ARHGEF17: variants seen among roughly 807,000 people sequenced by gnomAD.
The protein encoded by ARHGEF17 is 164 kDa Rho-specific guanine-nucleotide exchange factor.
ARHGEF17 carries 80 observed loss-of-function variants against 174.0 expected under a neutral mutation model. That is an observed-to-expected ratio of 0.46 (90% CI 0.38 to 0.55). The LOEUF (loss-of-function observed/expected upper bound fraction) is 0.55. ARHGEF17 is among the 20% of genes least tolerant of loss of function. ARHGEF17 has a pLI of 0.00. For missense variants in ARHGEF17, 2,886 were observed against 2,839.7 expected (o/e 1.02, Z -0.37); for synonymous variants, 1,311 against 1,189.1 (o/e 1.10, Z -2.11).
chr11:73,347,190 G>A (rs551444832), intron 2 of ARHGEF17: 10 of 634,356 alleles, frequency 1.6e-5, no homozygotes, highest in South Asian at 4.9e-5. Context: ...CAGGGCAGGC[G>A]TCCCTACCCT....
intron 1 of ARHGEF17, among the ~76,000 whole-genome samples, chr11:73,338,853 G>T (rs1158570142): frequency 6.6e-6 from 1 of 152,058 alleles, no homozygotes; most frequent in East Asian, 1.9e-4. Flanking sequence ...CAGTTTCCTA[G>T]TTTGTAAGAA....
Position 73,308,908 on chromosome 11 carries a change from C to T in ARHGEF17, c.270C>T (p.Asp90=). 7.3e-7 allele frequency: 1 copy of T among 1,364,304 alleles called. No individual in the cohort carries two copies. Among genetic ancestry groups the T allele is most frequent in the Non-Finnish European group, 9.4e-7 (1 of 1,064,924 alleles). The allele number at this position is 1,364,304 out of a possible 1,614,324, so 84.5% of individuals were successfully genotyped here. Reference sequence around the variant, plus strand: ...TTCGCCAGCTCTCCCGGCGCTTCGACGCGCCGCGTCTGGACGACGGCTCCG... The same window carrying T: ...TTCGCCAGCTCTCCCGGCGCTTCGATGCGCCGCGTCTGGACGACGGCTCCG... ...PSVRQLSRRF[D]APRLDDGSAG... Residue 90 remains aspartate, a synonymous_variant, in exon 1 of 21, where the codon GAC becomes GAT. Transcript: ENST00000263674.
Position 73,365,118 on chromosome 11 carries a change from G to T in ARHGEF17, c.5551-272G>T. On this transcript the variant is annotated intron_variant, in intron 18 of 20. Transcript: ENST00000263674. The surrounding 1 kb of genome is among the most constrained non-coding windows in gnomAD (Gnocchi z 4.9). ...GGCTTCAGCTTCCCCACCTGTCCAG[G>T]GGGAGGCCAGTGACTGATTTTAGAA... 2.2e-6 allele frequency: 1 copy of T among 464,498 alleles called. No individual in the cohort carries two copies. Among genetic ancestry groups the T allele is most frequent in the Non-Finnish European group, 3.9e-6 (1 of 256,804 alleles). 28.8% of individuals were successfully genotyped at this position (464,498 alleles called of 1,614,324 possible).
intron 2 of ARHGEF17, among the ~76,000 whole-genome samples, chr11:73,351,362 T>G (rs1865550482): frequency 6.6e-6 from 1 of 152,136 alleles, no homozygotes; most frequent in Non-Finnish European, 1.5e-5. Flanking sequence ...GTAGGGCCAG[T>G]AGAGGGCGAC....
intron 1 of ARHGEF17, among the ~76,000 whole-genome samples, chr11:73,314,247 G>A (rs1278096275): frequency 2.6e-5 from 4 of 152,186 alleles, no homozygotes; most frequent in Non-Finnish European, 5.9e-5. Context: ...GAGATGGCGT[G>A]GTATGGACTC....
At chr11:73,361,613 G>C (rs927897761) in intron 12 of ARHGEF17, among the ~76,000 whole-genome samples, 2 of 152,156 alleles carry the variant, frequency 1.3e-5, no homozygotes, top group African/African-American at 2.4e-5. Flanking sequence ...TGTAATTCCA[G>C]TACTTTGTGG....
At chr11:73,335,497 G>A (rs1351950549) in intron 1 of ARHGEF17, among the ~76,000 whole-genome samples, 4 of 151,922 alleles carry the variant, frequency 2.6e-5, no homozygotes, top group Non-Finnish European at 5.9e-5. Flanking sequence ...AGGTCCAGCT[G>A]TATCTTCTTG....
Position 73,310,052 on chromosome 11 carries a change from C to T in ARHGEF17, c.1414C>T (p.Leu472=), listed in dbSNP as rs546792395. The change falls in exon 1 of 21, where the codon CTG becomes TTG. Residue 472 remains leucine (L), a synonymous_variant. Transcript: ENST00000263674. ...AAATCCAGATATCGCCTCAGAGACC[C>T]TGACGCTTCTCAGTTTCCTGCGCTC... The part of the protein sequence containing the change: ...LSNPDIASET[L]TLLSFLRSDL... 2.5e-6 allele frequency: 4 copies of T among 1,614,200 alleles called. No homozygotes were observed. The highest frequency in any genetic ancestry group is 3.4e-6 in the Non-Finnish European group (4 of 1,180,022).
intron 20 of ARHGEF17, among the ~76,000 whole-genome samples, chr11:73,367,265 C>T (rs1487421457): frequency 3.3e-5 from 5 of 152,066 alleles, no homozygotes; most frequent in East Asian, 3.8e-4. Flanking sequence ...AAGGACGTTG[C>T]GTGCAGTAAT....
chr11:73,334,605 G>T (rs1865258333), intron 1 of ARHGEF17, among the ~76,000 whole-genome samples: 1 of 152,226 alleles, frequency 6.6e-6, no homozygotes, highest in African/African-American at 2.4e-5. Flanking sequence ...GCCGAGGCAG[G>T]CTCTGGCCCC....
At chr11:73,334,950 A>G (rs1865263380) in intron 1 of ARHGEF17, among the ~76,000 whole-genome samples, 1 of 152,200 alleles carries the variant, frequency 6.6e-6, no homozygotes, top group Non-Finnish European at 1.5e-5. Flanking sequence ...GTCCTGGGCC[A>G]CAGGGCCTGA....
intron 1 of ARHGEF17, among the ~76,000 whole-genome samples, chr11:73,329,373 A>ATATATTTTTT (rs1565193840): frequency 7.6e-5 from 1 of 13,164 alleles, no homozygotes; most frequent in Non-Finnish European, 1.2e-4. Flanking sequence ...ATATATATAT[A>ATATATTTTTT]TTTTTTTTTT....
Position 73,343,941 on chromosome 11 carries a change from T to C in ARHGEF17, c.3193-2942T>C, listed in dbSNP as rs540553341. ...AGCTGCGTGACCTGGCTGCGTTTTT[T>C]ATTTCTGTGTGGGGCGGCTTGCCTT... On this transcript the variant is annotated intron_variant, in intron 1 of 20. Coordinates refer to ENST00000263674, the MANE Select transcript of ARHGEF17 (RefSeq NM_014786.4). Among the ~76,000 whole-genome samples the C allele has an allele frequency of 1.2e-4, 18 of 152,202 alleles. 1 individual carries two copies. The highest frequency in any genetic ancestry group is 4.6e-4 in the Admixed American group (7 of 15,290).
rs755572933 is a variant in ARHGEF17, at chr11:73,356,298, C to T, written c.3787C>T (p.Arg1263Cys). 3 of 1,613,334 alleles carry T rather than the reference C, an allele frequency of 1.9e-6. No individual in the cohort carries two copies. Among genetic ancestry groups the T allele is most frequent in the East Asian group, 2.2e-5 (1 of 44,886 alleles). Residue 1263 changes from arginine to cysteine, a missense_variant, in exon 6 of 21, where the codon CGC (arginine) becomes TGC (cysteine). Around this residue, in one of 4 missense-constraint regions of ARHGEF17, gnomAD observed 353 missense variants for 470.3 expected, o/e 0.75. Transcript: ENST00000263674. ...TGTGCGGAGTGCCGAGGAGGCGGAGCGCCATGCCCGTGTGCTGCAGGAGAT... is the reference window on the plus strand; with the variant it reads ...TGTGCGGAGTGCCGAGGAGGCGGAGTGCCATGCCCGTGTGCTGCAGGAGAT... ...KGVRSAEEAE[R>C]HARVLQEIEA...
intron 1 of ARHGEF17, among the ~76,000 whole-genome samples, chr11:73,341,979 C>T (rs1320544900): frequency 6.7e-6 from 1 of 148,620 alleles, no homozygotes; most frequent in Non-Finnish European, 1.5e-5. Flanking sequence ...AAGCAGGTTG[C>T]TCGCCCCCAC....
chr11:73,310,481 G>GC lies in ARHGEF17; in HGVS notation c.1850dup (p.Gly618TrpfsTer4), dbSNP rs761146124. 9.9e-6 allele frequency: 16 copies of GC among 1,613,794 alleles called. No individual in the cohort carries two copies. Among genetic ancestry groups the GC allele is most frequent in the Non-Finnish European group, 3.4e-6 (4 of 1,180,030 alleles). On this transcript the variant is annotated frameshift_variant, in exon 1 of 21. Transcript: ENST00000263674. LOFTEE classifies it high-confidence loss of function. ...TGCCCAACAAGATGATGGAAGCGAT[G>GC]CCCCCCCTGGAAGCCCTGACTGGGC...
At chr11:73,327,717 C>T (rs1486946130) in intron 1 of ARHGEF17, among the ~76,000 whole-genome samples, 1 of 151,644 alleles carries the variant, frequency 6.6e-6, no homozygotes, top group Non-Finnish European at 1.5e-5. Context: ...GCAGCCAGAC[C>T]GTGGTAAAGG....
intron 1 of ARHGEF17, among the ~76,000 whole-genome samples, chr11:73,339,891 A>AGAG (rs1281232749): frequency 2.0e-5 from 3 of 151,884 alleles, no homozygotes; most frequent in Non-Finnish European, 2.9e-5. Flanking sequence ...TGGGGTATGG[A>AGAG]GAGGAGGGCT....
rs776267181 is a variant in ARHGEF17 at position 73,311,703 on chromosome 11, C to T, written c.3065C>T (p.Pro1022Leu). 5.0e-6 allele frequency: 8 copies of T among 1,613,260 alleles called. No homozygotes were observed. Among genetic ancestry groups the T allele is most frequent in the African/African-American group, 1.3e-5 (1 of 74,936 alleles). The change falls in exon 1 of 21, where the codon CCA (proline) becomes CTA (leucine). Residue 1022 changes from proline (P) to leucine (L), a missense_variant. Transcript: ENST00000263674. ...CTGCACTCCGGTGAGGTCCCTGCCC[C>T]AGTGCCAGTGGACATGCCCTGCTTG... ...LNLHSGEVPA[P>L]VPVDMPCLPL...
Sources: allele counts gnomAD v4.1 joint callset (sites outside exome capture counted in the v4.1 genomes callset), GRCh38; gene constraint gnomAD v4.1.1; regional missense constraint gnomAD v4.1.1; non-coding constraint Gnocchi (gnomAD v3.1); transcripts MANE v1.5; gene names NCBI Gene and HGNC (gene_info 2026-07-23, HGNC 2026-07-21).